SYT1: variants seen among roughly 807,000 people sequenced by gnomAD.
SYT1 encodes synaptotagmin 1, also known as synaptotagmin-1.
A neutral mutation model predicts 44.8 loss-of-function variants in SYT1; 8 were observed. The observed-to-expected ratio is 0.18, with a 90% confidence interval of 0.10 to 0.32. The LOEUF is 0.32. Among genes scored for constraint, SYT1 ranks in the 10% least tolerant of loss-of-function variants. The probability of loss-of-function intolerance (pLI) is 1.00; values close to 1 mark genes in which losing one functional copy is unlikely to be tolerated. For synonymous variants in SYT1, 154 were observed against 188.8 expected (o/e 0.82, Z 1.51); for missense variants, 286 against 509.3 (o/e 0.56, Z 4.22).
chr12:78,924,194 T>C (rs1015607170), intron 1 of SYT1, among the ~76,000 whole-genome samples: 35 of 151,952 alleles, frequency 2.3e-4, no homozygotes, highest in Admixed American at 1.6e-3. Context: ...CCCATGGTAT[T>C]CACTGCCCCA....
chr12:79,373,790 G>A (rs1294644081), intron 9 of SYT1, among the ~76,000 whole-genome samples: 2 of 152,004 alleles, frequency 1.3e-5, no homozygotes, highest in Non-Finnish European at 2.9e-5. Flanking sequence ...ACCTGAAATA[G>A]ATGATCATTT....
chr12:78,934,023 G>A (rs1218581724), intron 1 of SYT1, among the ~76,000 whole-genome samples: 1 of 151,984 alleles, frequency 6.6e-6, no homozygotes, highest in Non-Finnish European at 1.5e-5. Flanking sequence ...TTTATTCAGG[G>A]GGATATGTTC....
intron 1 of SYT1, among the ~76,000 whole-genome samples, chr12:78,975,706 T>C (rs1011099905): frequency 6.6e-6 from 1 of 152,202 alleles, no homozygotes; most frequent in Non-Finnish European, 1.5e-5. Flanking sequence ...ATTTGGCTTC[T>C]AGAATGGGTA....
At chr12:78,955,120 G>A (rs1293642035) in intron 1 of SYT1, among the ~76,000 whole-genome samples, 1 of 152,008 alleles carries the variant, frequency 6.6e-6, no homozygotes, top group African/African-American at 2.4e-5. Flanking sequence ...ATTTTTTGAT[G>A]TCATTAATGC....
intron 3 of SYT1, among the ~76,000 whole-genome samples, chr12:79,128,571 G>A (rs1868593904): frequency 6.6e-6 from 1 of 152,152 alleles, no homozygotes; most frequent in East Asian, 1.9e-4. Flanking sequence ...GGAAAACCTG[G>A]CAGATTTTCC....
chr12:79,118,191 C>T (rs1879404866), intron 3 of SYT1, among the ~76,000 whole-genome samples: 1 of 152,084 alleles, frequency 6.6e-6, no homozygotes, highest in Admixed American at 6.5e-5. Context: ...TTACCTTGTA[C>T]TTGTGAACAG....
Position 79,217,657 on chromosome 12 carries a change from G to A in SYT1, c.138G>A (p.Lys46=), listed in dbSNP as rs780557828. 9.9e-6 allele frequency: 16 copies of A among 1,612,516 alleles called. No individual in the cohort carries two copies. Among genetic ancestry groups the A allele is most frequent in the African/African-American group, 1.3e-5 (1 of 74,888 alleles). ...KEDAFSKLKE[K]FMNELHKIPL... ...ATGCATTTTCTAAGCTGAAGGAGAA[G>A]TTTATGAATGAGTTGCATAAAATTC... Residue 46 remains lysine, a synonymous_variant, in exon 4 of 11, where the codon AAG becomes AAA. Transcript: ENST00000261205.
chr12:79,272,630 A>G (rs541999029), intron 4 of SYT1, among the ~76,000 whole-genome samples: 15 of 152,304 alleles, frequency 9.8e-5, no homozygotes, highest in African/African-American at 3.6e-4. Context: ...ACACTCCTGG[A>G]GTATAGAATA....
chr12:78,995,533 A>G (rs187082272), intron 2 of SYT1, among the ~76,000 whole-genome samples: 3 of 152,354 alleles, frequency 2.0e-5, no homozygotes, highest in East Asian at 3.9e-4. Context: ...AAGCAGCTAT[A>G]TAAGCAACAG....
rs1360224576 is a variant in SYT1 at position 78,864,797 on chromosome 12, A to AGCAGCG, written c.-517_-512dup. On this transcript the variant is annotated 5_prime_UTR_variant, in exon 1 of 11. Transcript: ENST00000261205. ...CCAGTGTCTTTCCACCTCCTCCTGC[A>AGCAGCG]GCAGCGGCAGCGGCAGCAGCAGTTA... 4 of 157,950 alleles carry AGCAGCG rather than the reference A, an allele frequency of 2.5e-5. No homozygotes were observed. The highest frequency in any genetic ancestry group is 4.8e-5 in the African/African-American group (2 of 41,496). The allele number at this position is 157,950 out of a possible 1,614,324, so 9.8% of individuals were successfully genotyped here.
intron 9 of SYT1, among the ~76,000 whole-genome samples, chr12:79,427,841 GC>G (rs1869538492): frequency 6.6e-6 from 1 of 152,180 alleles, no homozygotes; most frequent in African/African-American, 2.4e-5. Context: ...TAGAGCAGGA[GC>G]CAGATCATTC....
chr12:79,422,986 C>T (rs746268423), intron 9 of SYT1, among the ~76,000 whole-genome samples: 93 of 152,238 alleles, frequency 6.1e-4, no homozygotes, highest in Admixed American at 1.7e-3. Flanking sequence ...CACTACCCTT[C>T]AGACAAAAAT....
At chr12:79,144,300 A>G (rs540526791) in intron 3 of SYT1, among the ~76,000 whole-genome samples, 1 of 152,354 alleles carries the variant, frequency 6.6e-6, no homozygotes, top group South Asian at 2.1e-4. Flanking sequence ...TCAGCAGTGT[A>G]TATAAAATAC....
At chr12:79,133,289 T>C (rs1473460073) in intron 3 of SYT1, among the ~76,000 whole-genome samples, 2 of 151,822 alleles carry the variant, frequency 1.3e-5, no homozygotes, top group Non-Finnish European at 2.9e-5. Context: ...GAGGCCGAGG[T>C]GGGAGAATCA....
At chr12:78,888,383 A>G (rs1055829844) in intron 1 of SYT1, among the ~76,000 whole-genome samples, 10 of 151,956 alleles carry the variant, frequency 6.6e-5, no homozygotes, top group Non-Finnish European at 1.2e-4. Flanking sequence ...TTAAATAAAA[A>G]TAGATTGACA....
intron 9 of SYT1, among the ~76,000 whole-genome samples, chr12:79,382,166 T>C (rs1001271651): frequency 6.6e-6 from 1 of 152,206 alleles, no homozygotes; most frequent in Non-Finnish European, 1.5e-5. Flanking sequence ...GCGAGTCTGT[T>C]GCTTTAGGGA....
intron 9 of SYT1, among the ~76,000 whole-genome samples, chr12:79,375,545 T>G (rs1185032048): frequency 1.3e-5 from 2 of 152,206 alleles, no homozygotes; most frequent in Non-Finnish European, 2.9e-5. Context: ...GGAATCAAAC[T>G]GACATGATTA....
intron 9 of SYT1, among the ~76,000 whole-genome samples, chr12:79,368,377 C>T (rs367769704): frequency 1.3e-5 from 2 of 152,056 alleles, no homozygotes; most frequent in South Asian, 2.1e-4. Flanking sequence ...TGTGTCTTTA[C>T]AGCAGCATGA....
intron 4 of SYT1, among the ~76,000 whole-genome samples, chr12:79,257,005 G>A (rs974397558): frequency 2.6e-5 from 4 of 152,152 alleles, no homozygotes; most frequent in African/African-American, 9.7e-5. Flanking sequence ...CTAGCAACTT[G>A]ATAAGAGAGT....
Sources: gnomAD v4.1 joint callset for allele counts (sites outside exome capture counted in the v4.1 genomes callset) on GRCh38, gnomAD v4.1.1 for gene constraint, MANE v1.5 for transcripts, NCBI Gene and HGNC (gene_info 2026-07-23, HGNC 2026-07-21) for gene names.